The following NSMCE1 variants were observed in gnomAD, a reference collection of about 807,000 sequenced individuals.
NSMCE1 encodes non-structural maintenance of chromosomes element 1 homolog.
Under a neutral mutation model 29.6 loss-of-function variants are expected in NSMCE1, and 18 were observed. The ratio of observed to expected loss-of-function variants is 0.61; its 90% CI spans 0.42 to 0.90. NSMCE1 has a LOEUF of 0.90. Ranked by LOEUF, NSMCE1 falls within the 40% of genes least tolerant of loss-of-function variation. The pLI, the probability that NSMCE1 is intolerant of heterozygous loss-of-function variation, is 0.00. For synonymous variants in NSMCE1, 124 were observed against 133.4 expected, an observed-to-expected ratio of 0.93 and a Z score of 0.49; for missense variants, 314 against 343.6, an observed-to-expected ratio of 0.91 and a Z score of 0.68.
chr16:27,264,517 C>T (rs578239551), intron 1 of NSMCE1, among the ~76,000 whole-genome samples: 2 of 152,238 alleles, frequency 1.3e-5, no homozygotes, highest in East Asian at 3.9e-4. Context: ...TATATGGATA[C>T]TTGATGGCGG....
chr16:27,256,296 T>C (rs2084085961), intron 2 of NSMCE1, among the ~76,000 whole-genome samples: 1 of 152,214 alleles, frequency 6.6e-6, no homozygotes, highest in African/African-American at 2.4e-5. Context: ...TAATGTCATG[T>C]TGTTAGGCTA....
chr16:27,249,259 G>A (rs190671648), intron 2 of NSMCE1, among the ~76,000 whole-genome samples: 3 of 152,294 alleles, frequency 2.0e-5, no homozygotes, highest in Non-Finnish European at 2.9e-5. Context: ...TCTCTAAAGA[G>A]TATTTTTTAA....
At chr16:27,254,316 T>C (rs984323543) in intron 2 of NSMCE1, among the ~76,000 whole-genome samples, 1 of 152,176 alleles carries the variant, frequency 6.6e-6, no homozygotes, top group Non-Finnish European at 1.5e-5. Context: ...CATAACCATA[T>C]CTAGGTGCAA....
intron 2 of NSMCE1, among the ~76,000 whole-genome samples, chr16:27,243,521 C>T (rs1428510411): frequency 6.6e-6 from 1 of 152,200 alleles, no homozygotes; most frequent in Non-Finnish European, 1.5e-5. Flanking sequence ...AAAGCCAGCC[C>T]ACCACCTCTA....
intron 5 of NSMCE1, among the ~76,000 whole-genome samples, chr16:27,230,380 A>C (rs1216264714): frequency 2.6e-5 from 4 of 152,074 alleles, no homozygotes; most frequent in Non-Finnish European, 5.9e-5. Context: ...GGTCTCTCTG[A>C]TCGAGGTGCT....
chr16:27,229,394 G>A (rs2140986694), intron 5 of NSMCE1, among the ~76,000 whole-genome samples: 1 of 152,288 alleles, frequency 6.6e-6, no homozygotes, highest in South Asian at 2.1e-4. Context: ...GGCCCCATGG[G>A]AGCGGCCACC....
intron 1 of NSMCE1, among the ~76,000 whole-genome samples, chr16:27,263,211 C>G (rs1223016788): frequency 6.6e-6 from 1 of 152,100 alleles, no homozygotes; most frequent in East Asian, 1.9e-4. Context: ...ACCAGAGGAA[C>G]AGAAATATTC....
In NSMCE1 at chr16:27,251,191, AATATATATATATATAT is replaced by A. The variant is rs58108385; in HGVS notation, c.136+6228_136+6243del. 1.6e-3 allele frequency among the ~76,000 whole-genome samples: 51 copies of A among 32,332 alleles called. 3 individuals carry two copies. In the East Asian group the frequency reaches 0.019, roughly 12 times the overall value. The allele number at this position is 32,332 out of a possible 152,430, so 21.2% of individuals were successfully genotyped here. ...ATATATATATATATATATATATATA[AATATATATATATATAT>A]AAAACTCTGTAGAGTTCAGACTCCT... On this transcript the variant is annotated intron_variant, in intron 2 of 7. Coordinates refer to ENST00000361439, the MANE Select transcript of NSMCE1 (RefSeq NM_145080.4).
chr16:27,260,710 T>G (rs1472075794), intron 1 of NSMCE1, among the ~76,000 whole-genome samples: 1 of 151,726 alleles, frequency 6.6e-6, no homozygotes, highest in East Asian at 1.9e-4. Flanking sequence ...AACACAAAAA[T>G]TAGCTGGGCA....
intron 2 of NSMCE1, 169 bp downstream of exon 2, chr16:27,257,266 T>A (rs2084097266): frequency 7.8e-6 from 4 of 513,034 alleles, no homozygotes; most frequent in Non-Finnish European, 1.3e-5. Flanking sequence ...GGAAAAAAAA[T>A]AAAAGTGGAA....
chr16:27,261,165 T>TG (rs2084153062), intron 1 of NSMCE1, among the ~76,000 whole-genome samples: 3 of 44,950 alleles, frequency 6.7e-5, no homozygotes, highest in African/African-American at 3.7e-4. Context: ...AGACTCCGTC[T>TG]CAAAAAAAAA....
At chr16:27,247,013 G>C in intron 2 of NSMCE1, among the ~76,000 whole-genome samples, 1 of 149,686 alleles carries the variant, frequency 6.7e-6, no homozygotes, top group East Asian at 1.9e-4. Flanking sequence ...CCTAAGCTGA[G>C]GAACATTCTA....
intron 2 of NSMCE1, among the ~76,000 whole-genome samples, chr16:27,253,557 T>C (rs986362542): frequency 6.6e-6 from 1 of 152,188 alleles, no homozygotes; most frequent in Non-Finnish European, 1.5e-5. Context: ...TGTTGCTCCA[T>C]ACTGGCCAAA....
chr16:27,234,133 C>T (rs1465395418), intron 4 of NSMCE1, 55 bp downstream of exon 4: 1 of 1,177,700 alleles, frequency 8.5e-7, no homozygotes, highest in East Asian at 2.3e-5. Context: ...ATGACGGAGA[C>T]AGAACTTTCC....
intron 2 of NSMCE1, 123 bp from the exon 3 acceptor site, chr16:27,235,422 G>A: frequency 9.4e-7 from 1 of 1,068,882 alleles, no homozygotes; most frequent in East Asian, 2.4e-5. Context: ...ATGGGTGGAG[G>A]CTGCAGCCTC....
intron 2 of NSMCE1, among the ~76,000 whole-genome samples, chr16:27,256,199 C>T (rs2084085031): frequency 6.6e-6 from 1 of 152,020 alleles, no homozygotes; most frequent in Non-Finnish European, 1.5e-5. Context: ...ATTAAAAATA[C>T]AGAGAGAAAG....
intron 5 of NSMCE1, among the ~76,000 whole-genome samples, chr16:27,231,412 G>A (rs189309465): frequency 9.8e-5 from 15 of 152,294 alleles, no homozygotes; most frequent in African/African-American, 1.9e-4. Context: ...TGAGGCAGGC[G>A]GATCACCTGA....
Position 27,232,991 on chromosome 16 carries a change from G to A in NSMCE1, c.483+10C>T, listed in dbSNP as rs374975367. 6.2e-7 allele frequency: 1 copy of A among 1,610,256 alleles called. No individual in the cohort carries two copies. The highest frequency in any genetic ancestry group is 8.5e-7 in the Non-Finnish European group (1 of 1,179,074). On this transcript the variant is annotated intron_variant, in intron 5 of 7. Transcript: ENST00000361439. The surrounding 1 kb of genome is among the most constrained non-coding windows in gnomAD (Gnocchi z 4.5). ...AAGTGAACCAGGCTGGAAAAACCAT[G>A]AGACAGTACCTCAATCAGCCACTTG...
intron 1 of NSMCE1, among the ~76,000 whole-genome samples, chr16:27,260,832 C>A (rs563803077): frequency 1.3e-3 from 178 of 132,422 alleles, no homozygotes; most frequent in African/African-American, 5.1e-3. Flanking sequence ...GCACTCCAGG[C>A]TGGGCAACAG....
Sources: gnomAD v4.1 joint callset for allele counts (sites outside exome capture counted in the v4.1 genomes callset) on GRCh38, gnomAD v4.1.1 for gene constraint, Gnocchi (gnomAD v3.1) non-coding constraint, MANE v1.5 for transcripts, NCBI Gene and HGNC (gene_info 2026-07-23, HGNC 2026-07-21) for gene names.